The following SLC24A2 variants were observed in gnomAD, a reference collection of about 807,000 sequenced individuals.
SLC24A2 encodes solute carrier family 24 member 2, also known as sodium/potassium/calcium exchanger 2.
SLC24A2 carries 36 observed loss-of-function variants against 62.0 expected under a neutral mutation model. The observed-to-expected ratio is 0.58, with a 90% confidence interval of 0.44 to 0.77. The LOEUF (loss-of-function observed/expected upper bound fraction) is 0.77. SLC24A2 is among the 30% of genes least tolerant of loss of function. The pLI is 0.00. For synonymous variants in SLC24A2, 358 were observed against 294.0 expected (o/e 1.22, Z -2.23); for missense variants, 846 against 817.9 (o/e 1.03, Z -0.42).
At chr9:19,538,782 C>G (rs1304060337) in intron 8 of SLC24A2, among the ~76,000 whole-genome samples, 1 of 127,702 alleles carries the variant, frequency 7.8e-6, no homozygotes, top group African/African-American at 3.0e-5. Context: ...AGGAATGGTA[C>G]CAGCTCCTCC....
At chr9:20,167,339 A>T in the SLC24A2 span, among the ~76,000 whole-genome samples, 2,491 of 152,082 alleles carry the variant, frequency 0.016, 45 homozygotes, top group African/African-American at 0.044. Context: ...GTTTGAGAAA[A>T]TGAGTAAATG....
At chr9:20,250,848 C>A in the SLC24A2 span, among the ~76,000 whole-genome samples, 1 of 152,170 alleles carries the variant, frequency 6.6e-6, no homozygotes, top group Admixed American at 6.5e-5. Flanking sequence ...CAGTTTGCAA[C>A]CTTAACTATA....
Position 19,789,018 on chromosome 9 carries a change from G to A in SLC24A2, c.-287C>T. On this transcript the variant is annotated 5_prime_UTR_variant, in exon 1 of 11. Transcript: ENST00000341998. ...ACTGGCTGCCGCTCTCGCCAGCCGGGCTGGGTTCGGGAGGAGACTGAGCCG... is the reference window on the plus strand; with the variant it reads ...ACTGGCTGCCGCTCTCGCCAGCCGGACTGGGTTCGGGAGGAGACTGAGCCG... 1 of 920,878 alleles carries A rather than the reference G, an allele frequency of 1.1e-6. No homozygotes were observed. Among genetic ancestry groups the A allele is most frequent in the Non-Finnish European group, 1.3e-6 (1 of 771,000 alleles). 57.0% of individuals were successfully genotyped at this position (920,878 alleles called of 1,614,324 possible).
chr9:19,665,062 G>T (rs111974652), intron 2 of SLC24A2, among the ~76,000 whole-genome samples: 135 of 152,290 alleles, frequency 8.9e-4, no homozygotes, highest in African/African-American at 3.2e-3. Flanking sequence ...TTTCAAGGCT[G>T]CCTGCTGTGT....
At chr9:19,588,030 G>T (rs2132878314) in intron 5 of SLC24A2, among the ~76,000 whole-genome samples, 1 of 152,300 alleles carries the variant, frequency 6.6e-6, no homozygotes, top group Middle Eastern at 3.4e-3. Context: ...CAGACCTGAT[G>T]CTGGTTGCTA....
At chr9:19,904,741 G>C in the SLC24A2 span, among the ~76,000 whole-genome samples, 11 of 152,086 alleles carry the variant, frequency 7.2e-5, no homozygotes, top group Non-Finnish European at 1.2e-4. Flanking sequence ...AGTCTCTTGG[G>C]CATTTACATT....
the SLC24A2 span, among the ~76,000 whole-genome samples, chr9:19,882,881 G>C: frequency 1.3e-4 from 20 of 152,168 alleles, no homozygotes; most frequent in African/African-American, 4.8e-4. Context: ...CCACCAAGCA[G>C]CCGATGCAGG....
the SLC24A2 span, chr9:19,895,815 G>A: frequency 6.2e-7 from 1 of 1,600,118 alleles, no homozygotes; most frequent in Non-Finnish European, 8.5e-7. Flanking sequence ...TTGGGTTGCA[G>A]CTGGTGTGGA....
intron 2 of SLC24A2, among the ~76,000 whole-genome samples, chr9:19,701,425 T>G (rs528441891): frequency 6.6e-6 from 1 of 152,238 alleles, no homozygotes; most frequent in Admixed American, 6.5e-5. Flanking sequence ...CCGGTAGGAG[T>G]TGATACATAA....
the SLC24A2 span, among the ~76,000 whole-genome samples, chr9:20,159,459 A>G: frequency 1.3e-5 from 2 of 151,690 alleles, no homozygotes; most frequent in Admixed American, 1.3e-4. Context: ...TACAGAATGA[A>G]CATATTTTAA....
At chr9:20,134,520 T>G in the SLC24A2 span, among the ~76,000 whole-genome samples, 1 of 152,194 alleles carries the variant, frequency 6.6e-6, no homozygotes, top group East Asian at 1.9e-4. Flanking sequence ...GAAAGAGCCT[T>G]CAGGTTAAAG....
At chr9:20,077,309 G>T in the SLC24A2 span, among the ~76,000 whole-genome samples, 397 of 152,176 alleles carry the variant, frequency 2.6e-3, 4 homozygotes, top group East Asian at 0.026. Context: ...AAAACAAAAA[G>T]TAACTATGTG....
At chr9:19,710,135 C>G (rs919776256) in intron 2 of SLC24A2, among the ~76,000 whole-genome samples, 1 of 152,102 alleles carries the variant, frequency 6.6e-6, no homozygotes, top group Non-Finnish European at 1.5e-5. Flanking sequence ...GGCCTCTTTA[C>G]AAGTCAACTC....
At chr9:19,563,406 G>A (rs565735204) in intron 7 of SLC24A2, among the ~76,000 whole-genome samples, 5 of 152,068 alleles carry the variant, frequency 3.3e-5, no homozygotes, top group South Asian at 2.1e-4. Context: ...TTAGAAAGGC[G>A]ACTTTCTCTT....
At chr9:19,983,922 C>T in the SLC24A2 span, among the ~76,000 whole-genome samples, 1 of 152,106 alleles carries the variant, frequency 6.6e-6, no homozygotes, top group Non-Finnish European at 1.5e-5. Context: ...TACAGATAGT[C>T]CCCAACTTAC....
chr9:19,991,333 C>CA, the SLC24A2 span, among the ~76,000 whole-genome samples: 2 of 152,146 alleles, frequency 1.3e-5, no homozygotes, highest in South Asian at 4.1e-4. Flanking sequence ...GGGAGAAAGA[C>CA]AAAGGCCAGA....
At chr9:19,735,058 T>C (rs907163427) in intron 2 of SLC24A2, among the ~76,000 whole-genome samples, 2 of 151,938 alleles carry the variant, frequency 1.3e-5, no homozygotes, top group African/African-American at 2.4e-5. Context: ...GAAACCACCA[T>C]CAGAGTGAAC....
At chr9:19,713,726 G>A (rs1281645069) in intron 2 of SLC24A2, among the ~76,000 whole-genome samples, 11 of 152,054 alleles carry the variant, frequency 7.2e-5, no homozygotes, top group Admixed American at 7.2e-4. Flanking sequence ...AGTAACTCCA[G>A]CCCTAGGAAA....
the SLC24A2 span, among the ~76,000 whole-genome samples, chr9:19,914,134 G>A: frequency 1.3e-5 from 2 of 151,944 alleles, no homozygotes; most frequent in African/African-American, 4.8e-5. Flanking sequence ...ACCTCAAAAT[G>A]CGCTTCCTTT....
Sources: allele counts gnomAD v4.1 joint callset (sites outside exome capture counted in the v4.1 genomes callset), GRCh38; gene constraint gnomAD v4.1.1; transcripts MANE v1.5; gene names NCBI Gene and HGNC (gene_info 2026-07-23, HGNC 2026-07-21).